IAH1: variants seen among roughly 807,000 people sequenced by gnomAD.
IAH1 encodes the protein isoamyl acetate hydrolyzing esterase 1 (putative).
Under a neutral mutation model 26.7 loss-of-function variants are expected in IAH1, and 24 were observed. That is an observed-to-expected ratio of 0.90 (90% CI 0.65 to 1.26). The LOEUF is 1.26. Among genes scored for constraint, IAH1 ranks in the 50% most tolerant of loss-of-function variants. IAH1 has a pLI of 0.00. For synonymous variants in IAH1, 140 were observed against 118.5 expected (o/e 1.18, Z -1.18); for missense variants, 300 against 299.9 (o/e 1.00, Z 0.00).
chr2:9,485,940 C>G (rs1056213646), intron 5 of IAH1: 1 of 152,204 alleles, frequency 6.6e-6, no homozygotes, highest in Admixed American at 6.5e-5. Context: ...ATCCAGTGTG[C>G]GGGAAGCTCT....
chr2:9,487,788 T>TTTTGTGTGTGTG, intron 5 of IAH1, among the ~76,000 whole-genome samples: 1 of 134,032 alleles, frequency 7.5e-6, no homozygotes, highest in African/African-American at 2.9e-5. Flanking sequence ...CCCGGCCTTT[T>TTTTGTGTGTGTG]TGTGTGTGTG....
chr2:9,498,208 T>C, downstream of IAH1, among the ~76,000 whole-genome samples: 1 of 152,124 alleles, frequency 6.6e-6, no homozygotes, highest in Non-Finnish European at 1.5e-5. Flanking sequence ...TTTCTTTCTT[T>C]TTTTTTGAGA....
chr2:9,499,858 T>C (rs1204258719), downstream of IAH1, among the ~76,000 whole-genome samples: 1 of 152,232 alleles, frequency 6.6e-6, no homozygotes, highest in African/African-American at 2.4e-5. Context: ...TCCAGCTTTC[T>C]GTTTGCATCC....
rs772722656 is a variant in IAH1, at chr2:9,481,235, T to C, written c.284-51T>C. ...TGCAGAAGTGTGTTCACCTGAATTG[T>C]CACTTATAATAAATATGCATCTGGT... On this transcript the variant is annotated intron_variant, in intron 3 of 5. Coordinates refer to ENST00000497473, the MANE Select transcript of IAH1 (RefSeq NM_001039613.3). The C allele has an allele frequency of 1.1e-5, 18 of 1,592,738 alleles. No individual in the cohort carries two copies. The East Asian group carries it at 2.9e-4, about 26-fold the overall frequency.
At chr2:9,490,219 C>T, downstream of IAH1, 1 of 1,601,040 alleles carries the variant, frequency 6.2e-7, no homozygotes, top group Non-Finnish European at 8.6e-7. Context: ...TCTGACGCTG[C>T]AGTTTAAAGG....
chr2:9,487,825 T>TGTGC (rs1553354321), intron 5 of IAH1, among the ~76,000 whole-genome samples: 3 of 106,124 alleles, frequency 2.8e-5, no homozygotes, highest in African/African-American at 1.1e-4. Context: ...TGTGTGTGTG[T>TGTGC]GTGTGTGTGC....
chr2:9,499,536 G>A (rs1382495753), downstream of IAH1, among the ~76,000 whole-genome samples: 1 of 152,036 alleles, frequency 6.6e-6, no homozygotes, highest in Admixed American at 6.6e-5. Context: ...CAAGTAGCTG[G>A]GACTACAGGC....
downstream of IAH1, among the ~76,000 whole-genome samples, chr2:9,491,592 C>G (rs1186557061): frequency 1.9e-5 from 2 of 105,490 alleles, no homozygotes; most frequent in Admixed American, 1.7e-4. Context: ...CATGGCCTCA[C>G]TCTCTTAGCT....
At chr2:9,492,844 G>A, downstream of IAH1, 1 of 1,456,312 alleles carries the variant, frequency 6.9e-7, no homozygotes, top group South Asian at 1.3e-5. Context: ...TACATGGTTG[G>A]AGTTGATCAA....
At position 9,489,161 on chromosome 2, in the gene IAH1, TTG is replaced by T; in HGVS notation, c.*834_*835del. The T allele has an allele frequency of 7.1e-6, 1 of 141,522 alleles. No individual in the cohort carries two copies. Among genetic ancestry groups the T allele is most frequent in the African/African-American group, 2.7e-5 (1 of 37,684 alleles). 8.8% of individuals were successfully genotyped at this position (141,522 alleles called of 1,614,324 possible). On this transcript the variant is annotated 3_prime_UTR_variant, in exon 6 of 6. Transcript: ENST00000497473. ...CATTCAAAACAACCTGTTTTTTTTGTTGTTGTTGTTGTTAAGAAATATCTCAC... is the reference window on the plus strand; with the variant it reads ...CATTCAAAACAACCTGTTTTTTTTGTTTGTTGTTGTTAAGAAATATCTCAC...
At chr2:9,511,944 C>T in the IAH1 span, among the ~76,000 whole-genome samples, 2 of 151,798 alleles carry the variant, frequency 1.3e-5, no homozygotes, top group Admixed American at 1.3e-4. Context: ...AACCCCCAGC[C>T]TGGGCAAAAG....
At chr2:9,502,376 G>A in the IAH1 span, 2 of 1,029,816 alleles carry the variant, frequency 1.9e-6, no homozygotes, top group South Asian at 1.4e-5. Flanking sequence ...GATCACCGGG[G>A]AAGACCTCCT....
At chr2:9,485,405 T>C in intron 5 of IAH1, 1 of 152,542 alleles carries the variant, frequency 6.6e-6, no homozygotes. Flanking sequence ...TGTAATCCCA[T>C]CACTTTGGGA....
At chr2:9,486,820 ACT>A (rs1200717643) in intron 5 of IAH1, 5 of 147,710 alleles carry the variant, frequency 3.4e-5, no homozygotes, top group African/African-American at 1.3e-4. Context: ...CAAGAGTGAG[ACT>A]CTAGCTCAAA....
chr2:9,493,725 G>A (rs369411781), downstream of IAH1: 10 of 1,603,440 alleles, frequency 6.2e-6, no homozygotes, highest in African/African-American at 1.3e-4. Context: ...CTCTCAGTAA[G>A]TAATCTGGGG....
chr2:9,475,366 T>C (rs1682424053), intron 1 of IAH1: 1 of 405,998 alleles, frequency 2.5e-6, no homozygotes, highest in Non-Finnish European at 4.8e-6. Flanking sequence ...CCGAATTCCA[T>C]GGGAATGTGT....
At chr2:9,477,207 T>G (rs536117069) in intron 2 of IAH1, among the ~76,000 whole-genome samples, 2 of 152,320 alleles carry the variant, frequency 1.3e-5, no homozygotes, top group South Asian at 4.1e-4. Flanking sequence ...TGTCAGAAAG[T>G]GTCCCCTTGT....
At chr2:9,505,384 A>G in the IAH1 span, 1 of 1,592,782 alleles carries the variant, frequency 6.3e-7, no homozygotes, top group South Asian at 1.1e-5. Flanking sequence ...AAAAAAGGCA[A>G]TAAGGACCCA....
rs1572833534 is a variant in IAH1, at chr2:9,478,076, G to T, written c.135-146G>T. ...ATTAGCATGCTTCAGCTATGTTCTT[G>T]CTCCTATCAAAGTGAAACCTGGGGG... is the stretch of plus-strand genomic sequence containing the variant. On this transcript the variant is annotated intron_variant, in intron 2 of 5. Coordinates refer to ENST00000497473, the MANE Select transcript of IAH1 (RefSeq NM_001039613.3). 4 of 623,466 alleles carry T rather than the reference G, an allele frequency of 6.4e-6. No homozygotes were observed. In the East Asian group the frequency reaches 1.1e-4, roughly 18 times the overall value. 38.6% of individuals were successfully genotyped at this position (623,466 alleles called of 1,614,324 possible). A position where few individuals can be genotyped will look rare whatever the true frequency, so the allele number is the denominator to read the frequency against.
Sources: gnomAD v4.1 joint callset for allele counts (sites outside exome capture counted in the v4.1 genomes callset) on GRCh38, gnomAD v4.1.1 for gene constraint, MANE v1.5 for transcripts, NCBI Gene and HGNC (gene_info 2026-07-23, HGNC 2026-07-21) for gene names.